GABRB3: variants seen among roughly 807,000 people sequenced by gnomAD.
GABRB3 encodes gamma-aminobutyric acid type A receptor subunit beta3.
Under a neutral mutation model 52.1 loss-of-function variants are expected in GABRB3, and 14 were observed. The observed-to-expected ratio is 0.27, with a 90% CI of 0.18 to 0.42. GABRB3 has a LOEUF of 0.42. Among genes scored for constraint, GABRB3 ranks in the 10% least tolerant of loss-of-function variants. The pLI is 1.00. For missense variants in GABRB3, 307 were observed against 609.1 expected (o/e 0.50, Z 5.22); for synonymous variants, 260 against 232.3 (o/e 1.12, Z -1.08).
chr15:26,766,902 A>G lies in GABRB3; in HGVS notation c.240+5500T>C, dbSNP rs143665788. Among the ~76,000 whole-genome samples, 301 of 152,294 alleles carry G rather than the reference A, an allele frequency of 2.0e-3. 1 individual carries two copies. Among genetic ancestry groups the G allele is most frequent in the African/African-American group, 6.4e-3 (264 of 41,550 alleles). On this transcript the variant is annotated intron_variant, in intron 3 of 8. Transcript: ENST00000311550. ...TAAGATCCATTTTTTTAAGAGATGT[A>G]ACATAAGCTTTACAACCTTCCTGAG...
chr15:26,595,419 G>A (rs979180218), intron 4 of GABRB3, among the ~76,000 whole-genome samples: 2 of 152,104 alleles, frequency 1.3e-5, no homozygotes, highest in Admixed American at 6.5e-5. Flanking sequence ...TATGGGTGGG[G>A]GAAATGGCAA....
intron 3 of GABRB3, among the ~76,000 whole-genome samples, chr15:26,740,130 T>C (rs1280782139): frequency 1.3e-5 from 2 of 152,126 alleles, no homozygotes; most frequent in African/African-American, 4.8e-5. Context: ...ACCAAGTGAC[T>C]TGAGATCCCC....
rs376315800 is a variant in GABRB3, at chr15:26,630,585, A to G, written c.241-9051T>C. 8.7e-4 allele frequency among the ~76,000 whole-genome samples: 133 copies of G among 152,362 alleles called. 1 individual carries two copies. In the South Asian group the frequency reaches 0.027, roughly 31 times the overall value. Reference sequence around the variant, plus strand: ...AATATTCGAGTAAGAGTTGCATTCAAAACAAAGGGTCTTTCTTAAAAACAG... The same window carrying G: ...AATATTCGAGTAAGAGTTGCATTCAGAACAAAGGGTCTTTCTTAAAAACAG... On this transcript the variant is annotated intron_variant, in intron 3 of 8. Coordinates refer to ENST00000311550, the MANE Select transcript of GABRB3 (RefSeq NM_000814.6).
chr15:26,553,936 G>C (rs567536947), intron 8 of GABRB3, among the ~76,000 whole-genome samples: 1 of 145,138 alleles, frequency 6.9e-6, no homozygotes, highest in East Asian at 2.0e-4. Context: ...GTCCAGTGGC[G>C]TGACCATAGC....
intron 3 of GABRB3, among the ~76,000 whole-genome samples, chr15:26,677,945 TC>T (rs555571355): frequency 6.6e-4 from 100 of 151,992 alleles, no homozygotes; most frequent in Non-Finnish European, 1.1e-3. Flanking sequence ...GAAAGAGAGG[TC>T]AGGAATTTAT....
rs962003270 is a variant in GABRB3 at position 26,621,919 on chromosome 15, C to T, written c.241-385G>A. 3.3e-5 allele frequency among the ~76,000 whole-genome samples: 5 copies of T among 150,612 alleles called. No homozygotes were observed. Among genetic ancestry groups the T allele is most frequent in the African/African-American group, 1.2e-4 (5 of 41,078 alleles). The stretch of plus-strand genomic sequence containing the variant: ...CCCACCAGGCAGACAGGTGCTTTAA[C>T]AACCTACAACAGATGAGCTCTATCT... On this transcript the variant is annotated intron_variant, in intron 3 of 8. Coordinates refer to ENST00000311550, the MANE Select transcript of GABRB3 (RefSeq NM_000814.6). The surrounding 1 kb of genome is among the most constrained non-coding windows in gnomAD (Gnocchi z 4.1).
At chr15:26,650,403 A>G (rs1469498898) in intron 3 of GABRB3, among the ~76,000 whole-genome samples, 8 of 152,062 alleles carry the variant, frequency 5.3e-5, no homozygotes, top group Non-Finnish European at 7.4e-5. Flanking sequence ...GACTTAACCT[A>G]TGAGGAGAGG....
rs555428452 is a variant in GABRB3 at position 26,605,185 on chromosome 15, A to C, written c.461+16129T>G. Among the ~76,000 whole-genome samples, 13 of 152,352 alleles carry C rather than the reference A, an allele frequency of 8.5e-5. No individual in the cohort carries two copies. The South Asian group carries it at 2.7e-3, about 32-fold the overall frequency. Reference sequence around the variant, plus strand: ...GAATCTCAACATCACTGATCATCAGAGAAATGCAAATCAAAACTACAATGA... The same window carrying C: ...GAATCTCAACATCACTGATCATCAGCGAAATGCAAATCAAAACTACAATGA... On this transcript the variant is annotated intron_variant, in intron 4 of 8. Transcript: ENST00000311550.
intron 3 of GABRB3, among the ~76,000 whole-genome samples, chr15:26,736,637 C>G (rs941099051): frequency 2.0e-5 from 3 of 152,242 alleles, no homozygotes; most frequent in African/African-American, 7.2e-5. Context: ...GGCCAGCATT[C>G]CAACTTCCAT....
upstream of GABRB3, chr15:26,773,718 A>G (rs1291254590): frequency 5.1e-6 from 8 of 1,567,362 alleles, no homozygotes; most frequent in Non-Finnish European, 6.9e-6. Context: ...AGGAGCCCGG[A>G]GCACATGGCG....
intron 3 of GABRB3, among the ~76,000 whole-genome samples, chr15:26,705,347 T>C (rs548860192): frequency 1.3e-5 from 2 of 152,302 alleles, no homozygotes; most frequent in African/African-American, 4.8e-5. Flanking sequence ...CTCTTAATAT[T>C]ATCACATTGG....
chr15:26,617,211 A>C (rs568504419), intron 4 of GABRB3, among the ~76,000 whole-genome samples: 33 of 152,206 alleles, frequency 2.2e-4, no homozygotes, highest in Non-Finnish European at 4.3e-4. Context: ...AAAAGAGGGA[A>C]TCCTCCCTAA....
intron 3 of GABRB3, among the ~76,000 whole-genome samples, chr15:26,677,684 T>C (rs1411618730): frequency 6.6e-6 from 1 of 152,234 alleles, no homozygotes; most frequent in Non-Finnish European, 1.5e-5. Context: ...CATTGTGATA[T>C]GGAGGATCAG....
In GABRB3 at chr15:26,635,528, A is replaced by C. The variant is rs576056381; in HGVS notation, c.241-13994T>G. On this transcript the variant is annotated intron_variant, in intron 3 of 8. Coordinates refer to ENST00000311550, the MANE Select transcript of GABRB3 (RefSeq NM_000814.6). ...AGAGAGCAGACAAGGCAAAAAAAAA[A>C]TGCTTAAACAGAAAGAAAGACGTTT... Among the ~76,000 whole-genome samples, 45 of 151,438 alleles carry C rather than the reference A, an allele frequency of 3.0e-4. 1 individual carries two copies. Among genetic ancestry groups the C allele is most frequent in the Admixed American group, 1.1e-3 (16 of 15,214 alleles).
chr15:26,626,087 T>C (rs978728320), intron 3 of GABRB3, among the ~76,000 whole-genome samples: 2 of 152,380 alleles, frequency 1.3e-5, no homozygotes, highest in African/African-American at 4.8e-5. Flanking sequence ...CTCTGGGTCA[T>C]ATTTTGGTAA....
At chr15:26,673,857 T>A (rs1887974139) in intron 3 of GABRB3, among the ~76,000 whole-genome samples, 2 of 152,252 alleles carry the variant, frequency 1.3e-5, no homozygotes, top group South Asian at 4.1e-4. Context: ...TGACCCATTA[T>A]GGGGAAAACT....
Position 26,699,483 on chromosome 15 carries a change from G to A in GABRB3, c.240+72919C>T, listed in dbSNP as rs547445024. 1.4e-3 allele frequency among the ~76,000 whole-genome samples: 215 copies of A among 150,376 alleles called. 1 individual carries two copies. Among genetic ancestry groups the A allele is most frequent in the South Asian group, 4.8e-3 (23 of 4,776 alleles). On this transcript the variant is annotated intron_variant, in intron 3 of 8. Coordinates refer to ENST00000311550, the MANE Select transcript of GABRB3 (RefSeq NM_000814.6). ...ATAACCCAGAATACGGAAGTACATC[G>A]GTGAATCAAAAAAAAAAAAACTCAA...
At chr15:26,717,969 A>G (rs1385194693) in intron 3 of GABRB3, among the ~76,000 whole-genome samples, 3 of 152,198 alleles carry the variant, frequency 2.0e-5, no homozygotes, top group African/African-American at 4.8e-5. Context: ...TACTTCCACA[A>G]TCAGTTTATC....
At chr15:26,567,849 G>T in intron 6 of GABRB3, 116 bp from the exon 7 acceptor site, 1 of 966,916 alleles carries the variant, frequency 1.0e-6, no homozygotes. Flanking sequence ...ATAAAGGGGT[G>T]ACCCACCACC....
Sources: gnomAD v4.1 joint callset for allele counts (sites outside exome capture counted in the v4.1 genomes callset) on GRCh38, gnomAD v4.1.1 for gene constraint, Gnocchi (gnomAD v3.1) non-coding constraint, MANE v1.5 for transcripts, NCBI Gene and HGNC (gene_info 2026-07-23, HGNC 2026-07-21) for gene names.